Variants in NBEAL1 observed in about 807,000 individuals in gnomAD.
NBEAL1 encodes the protein neurobeachin like 1.
Under a neutral mutation model 351.3 loss-of-function variants are expected in NBEAL1, and 273 were observed. The observed-to-expected ratio is 0.78, with a 90% CI of 0.70 to 0.86. The LOEUF (loss-of-function observed/expected upper bound fraction) is 0.86, where lower values mean the gene tolerates loss of function less well. NBEAL1 is among the 40% of genes least tolerant of loss of function. The pLI, the probability that NBEAL1 is intolerant of heterozygous loss-of-function variation, is 0.00. For synonymous variants in NBEAL1, 1,050 were observed against 1,086.4 expected (o/e 0.97, Z 0.66); for missense variants, 2,961 against 3,201.3 (o/e 0.92, Z 1.81).
chr2:203,038,793 T>C lies in NBEAL1; in HGVS notation c.52-2972T>C, dbSNP rs1010511570. Among the ~76,000 whole-genome samples the C allele has an allele frequency of 3.4e-5, 5 of 148,670 alleles. 1 individual carries two copies. The highest frequency in any genetic ancestry group is 7.5e-5 in the Non-Finnish European group (5 of 66,320). Reference sequence around the variant, plus strand: ...CCTGCGCTCAAGAATTCCTCCAATCTCAACCTCCTGAGTAACTGAGACTGC... The same window carrying C: ...CCTGCGCTCAAGAATTCCTCCAATCCCAACCTCCTGAGTAACTGAGACTGC... On this transcript the variant is annotated intron_variant, in intron 2 of 55. Coordinates refer to ENST00000683969, the MANE Select transcript of NBEAL1 (RefSeq NM_001378026.1).
intron 6 of NBEAL1, among the ~76,000 whole-genome samples, chr2:203,063,974 T>C (rs2061540509): frequency 6.6e-6 from 1 of 152,154 alleles, no homozygotes; most frequent in South Asian, 2.1e-4. Flanking sequence ...ATTGTAAGAT[T>C]GGATCAGGCA....
At chr2:203,068,983 G>A (rs1026104814) in intron 7 of NBEAL1, among the ~76,000 whole-genome samples, 1 of 152,146 alleles carries the variant, frequency 6.6e-6, no homozygotes, top group African/African-American at 2.4e-5. Context: ...ACCCACCTCA[G>A]CCTCCCAAAG....
Position 203,016,240 on chromosome 2 carries a change from G to GT in NBEAL1, c.-144dup, listed in dbSNP as rs1355870245. ...CCTTTTTGTTTTTAACCAGAGGACA[G>GT]TCCATTTGTTTCACTTCTTTTTGCT... On this transcript the variant is annotated 5_prime_UTR_variant, in exon 2 of 56. Coordinates refer to ENST00000683969, the MANE Select transcript of NBEAL1 (RefSeq NM_001378026.1). The GT allele has an allele frequency of 2.2e-6, 1 of 461,364 alleles. No homozygotes were observed. Among genetic ancestry groups the GT allele is most frequent in the Non-Finnish European group, 3.8e-6 (1 of 263,774 alleles). The allele number at this position is 461,364 out of a possible 1,614,324, so 28.6% of individuals were successfully genotyped here.
chr2:203,084,437 G>T, intron 9 of NBEAL1, 26 bp from the exon 10 acceptor site: 2 of 1,240,886 alleles, frequency 1.6e-6, no homozygotes, highest in South Asian at 3.4e-5. Flanking sequence ...ATTTTTACAT[G>T]GATGATTTTC....
At chr2:203,058,386 T>C (rs928399337) in intron 6 of NBEAL1, among the ~76,000 whole-genome samples, 1 of 152,078 alleles carries the variant, frequency 6.6e-6, no homozygotes, top group African/African-American at 2.4e-5. Context: ...TTGATAAATA[T>C]TAGAGAATTG....
chr2:203,137,670 C>T (rs913044413), intron 29 of NBEAL1, among the ~76,000 whole-genome samples: 7 of 152,124 alleles, frequency 4.6e-5, no homozygotes, highest in Admixed American at 3.3e-4. Flanking sequence ...AACATTTCAA[C>T]GTTTCTCCAT....
chr2:203,087,999 T>G (rs1436338807), intron 10 of NBEAL1, among the ~76,000 whole-genome samples: 1 of 152,186 alleles, frequency 6.6e-6, no homozygotes, highest in Non-Finnish European at 1.5e-5. Flanking sequence ...GTTTAAAAAT[T>G]TGCTTGGCTG....
intron 42 of NBEAL1, among the ~76,000 whole-genome samples, chr2:203,178,290 A>T (rs1012941477): frequency 1.3e-4 from 19 of 151,634 alleles, no homozygotes; most frequent in Non-Finnish European, 2.4e-4. Flanking sequence ...TCAGCCTCCA[A>T]AGTAGCTGGG....
Position 203,016,304 on chromosome 2 carries a change from C to A in NBEAL1, c.-81C>A. The A allele has an allele frequency of 2.9e-6, 3 of 1,034,888 alleles. No individual in the cohort carries two copies. The highest frequency in any genetic ancestry group is 4.1e-6 in the Non-Finnish European group (3 of 725,878). 64.1% of individuals were successfully genotyped at this position (1,034,888 alleles called of 1,614,324 possible). A position where few individuals can be genotyped will look rare whatever the true frequency, so the allele number is the denominator to read the frequency against. On this transcript the variant is annotated 5_prime_UTR_variant, in exon 2 of 56. Transcript: ENST00000683969. ...TGAGCTTTACTGAACGGCTGAAAAA[C>A]TTGGAAAATAAAATGGACATGCTGT...
chr2:203,173,000 C>A, intron 41 of NBEAL1, 147 bp downstream of exon 41: 2 of 557,396 alleles, frequency 3.6e-6, no homozygotes, highest in Non-Finnish European at 5.8e-6. Context: ...ACTAAGTTTT[C>A]TTGAAAATAA....
At chr2:203,165,479 G>C (rs989155559) in intron 36 of NBEAL1, among the ~76,000 whole-genome samples, 5 of 152,092 alleles carry the variant, frequency 3.3e-5, no homozygotes, top group African/African-American at 1.2e-4. Context: ...CCTGTATTTT[G>C]TGGGTCAATT....
intron 41 of NBEAL1, among the ~76,000 whole-genome samples, 177 bp downstream of exon 41, chr2:203,173,030 T>A (rs1453507047): frequency 1.3e-5 from 2 of 152,156 alleles, no homozygotes; most frequent in East Asian, 1.9e-4. Context: ...CTTTCAGAAA[T>A]CTTGACTATA....
chr2:203,142,415 C>A (rs1374368270), intron 31 of NBEAL1, among the ~76,000 whole-genome samples: 3 of 152,168 alleles, frequency 2.0e-5, no homozygotes, highest in Non-Finnish European at 2.9e-5. Flanking sequence ...CTCAGCCTCC[C>A]AAAGTGCTGG....
chr2:203,199,544 A>ATTTT (rs373868583), intron 49 of NBEAL1, 97 bp downstream of exon 49: 3 of 479,352 alleles, frequency 6.3e-6, no homozygotes, highest in Non-Finnish European at 1.1e-5. Context: ...TGAAAGAAAT[A>ATTTT]TTTTTTTTTT....
chr2:203,156,137 C>G (rs2063792274), intron 35 of NBEAL1, among the ~76,000 whole-genome samples: 1 of 152,156 alleles, frequency 6.6e-6, no homozygotes, highest in Admixed American at 6.5e-5. Context: ...TCAATATCTC[C>G]ATATATTAGT....
intron 2 of NBEAL1, among the ~76,000 whole-genome samples, chr2:203,041,171 C>G (rs1181475407): frequency 1.3e-5 from 2 of 152,118 alleles, no homozygotes; most frequent in African/African-American, 4.8e-5. Context: ...CATTTTCTAT[C>G]CTAGGGTTTA....
In NBEAL1 at chr2:203,113,094, T is replaced by C; in HGVS notation, c.2282T>C (p.Phe761Ser). ...PPPSQIPDPP[F>S]SSPITPHRTS... The stretch of plus-strand genomic sequence containing the variant: ...CCATCCCAAATCCCAGATCCACCTT[T>C]CTCTTCTCCCATTACCCCTCATCGG... The change falls in exon 17 of 56, where the codon TTC (phenylalanine) becomes TCC (serine). Residue 761 changes from phenylalanine to serine, a missense_variant. Transcript: ENST00000683969. 20 of 1,551,208 alleles carry C rather than the reference T, an allele frequency of 1.3e-5. No homozygotes were observed. The highest frequency in any genetic ancestry group is 1.7e-5 in the Non-Finnish European group (19 of 1,146,676).
At chr2:203,022,837 G>T (rs894539916) in intron 2 of NBEAL1, among the ~76,000 whole-genome samples, 2 of 152,000 alleles carry the variant, frequency 1.3e-5, no homozygotes, top group Non-Finnish European at 2.9e-5. Flanking sequence ...TGCTTTCAAG[G>T]ATAGTGCTTA....
intron 8 of NBEAL1, 44 bp from the exon 9 acceptor site, chr2:203,083,175 T>C (rs1234874304): frequency 4.1e-6 from 6 of 1,464,770 alleles, no homozygotes; most frequent in South Asian, 1.4e-5. Context: ...CATACACAAC[T>C]TCATTAGGTT....
Sources: gnomAD v4.1 joint callset for allele counts (sites outside exome capture counted in the v4.1 genomes callset) on GRCh38, gnomAD v4.1.1 for gene constraint, MANE v1.5 for transcripts, NCBI Gene and HGNC (gene_info 2026-07-23, HGNC 2026-07-21) for gene names.